ECT2: variants seen among roughly 807,000 people sequenced by gnomAD.
ECT2 encodes epithelial cell transforming 2, also known as protein ECT2.
ECT2 carries 61 observed loss-of-function variants against 116.9 expected under a neutral mutation model. The ratio of observed to expected loss-of-function variants is 0.52; its 90% CI spans 0.42 to 0.65. ECT2 has a LOEUF of 0.65. Among genes scored for constraint, ECT2 ranks in the 30% least tolerant of loss-of-function variants. ECT2 has a pLI of 0.00. For synonymous variants in ECT2, 358 were observed against 346.4 expected (o/e 1.03, Z -0.37); for missense variants, 937 against 1,078.7 (o/e 0.87, Z 1.84).
chr3:172,757,131 C>T lies in ECT2; in HGVS notation c.452C>T (p.Pro151Leu). The change falls in exon 5 of 25, where the codon CCA becomes CTA. Residue 151 changes from proline (P) to leucine (L), a missense_variant. Coordinates refer to ENST00000392692, the MANE Select transcript of ECT2 (RefSeq NM_001258315.2). ...LYKADCRVIGPPVVLNCSQKG... is the reference protein window; with the variant it reads ...LYKADCRVIGLPVVLNCSQKG... Reference sequence around the variant, plus strand: ...AAGGCTGATTGTAGAGTTATTGGACCACCAGTTGTATTAAATTGTTCACAA... The same window carrying T: ...AAGGCTGATTGTAGAGTTATTGGACTACCAGTTGTATTAAATTGTTCACAA... 6.5e-7 allele frequency: 1 copy of T among 1,536,604 alleles called. No homozygotes were observed. Among genetic ancestry groups the T allele is most frequent in the Non-Finnish European group, 8.7e-7 (1 of 1,147,826 alleles).
chr3:172,768,041 T>C (rs1324388715), intron 12 of ECT2, among the ~76,000 whole-genome samples: 1 of 152,178 alleles, frequency 6.6e-6, no homozygotes, highest in African/African-American at 2.4e-5. Context: ...CGCAAATTTT[T>C]TTCTTTCATG....
chr3:172,755,500 A>G lies in ECT2; in HGVS notation c.228A>G (p.Glu76=), dbSNP rs1576827820. 4.7e-6 allele frequency: 7 copies of G among 1,504,356 alleles called. No individual in the cohort carries two copies. The highest frequency in any genetic ancestry group is 6.3e-6 in the Non-Finnish European group (7 of 1,115,758). 93.2% of individuals were successfully genotyped at this position (1,504,356 alleles called of 1,614,324 possible). Reference sequence around the variant, plus strand: ...TTCCACAGACTATTAAAATAATGGAAGTCCCTGTTATAAAGATAAAAGAAA... The same window carrying G: ...TTCCACAGACTATTAAAATAATGGAGGTCCCTGTTATAAAGATAAAAGAAA... ...IKALKTIKIM[E]VPVIKIKESC... is the part of the protein sequence containing the mutation. The change falls in exon 4 of 25, where the codon GAA becomes GAG. Residue 76 remains glutamate (E), a synonymous_variant. Transcript: ENST00000392692.
the ECT2 span, among the ~76,000 whole-genome samples, chr3:172,826,498 C>T: frequency 6.6e-6 from 1 of 152,166 alleles, no homozygotes; most frequent in African/African-American, 2.4e-5. Flanking sequence ...GTGCTGTGAA[C>T]ACTGTTGAAA....
At chr3:172,778,727 C>G (rs1253588956) in intron 14 of ECT2, among the ~76,000 whole-genome samples, 1 of 151,008 alleles carries the variant, frequency 6.6e-6, no homozygotes, top group Non-Finnish European at 1.5e-5. Flanking sequence ...TCCTGAGTAG[C>G]TGGGACTACA....
intron 22 of ECT2, among the ~76,000 whole-genome samples, chr3:172,809,779 A>G (rs748772966): frequency 1.3e-5 from 2 of 152,066 alleles, no homozygotes; most frequent in Non-Finnish European, 2.9e-5. Context: ...ATTCTATACT[A>G]TTTCATTTGT....
chr3:172,776,177 C>A (rs1300696808), intron 14 of ECT2, among the ~76,000 whole-genome samples: 1 of 139,940 alleles, frequency 7.1e-6, no homozygotes, highest in Non-Finnish European at 1.5e-5. Flanking sequence ...GGTACTTCAA[C>A]TATTAGTTTT....
chr3:172,799,183 C>G (rs538888099), intron 18 of ECT2, among the ~76,000 whole-genome samples: 1 of 152,242 alleles, frequency 6.6e-6, no homozygotes, highest in South Asian at 2.1e-4. Flanking sequence ...CCAGATTTCT[C>G]CAATCCAGCT....
chr3:172,773,618 T>C (rs1576901846), intron 13 of ECT2, among the ~76,000 whole-genome samples: 1 of 152,230 alleles, frequency 6.6e-6, no homozygotes, highest in East Asian at 1.9e-4. Flanking sequence ...ATTACTCTTG[T>C]ATCATACTAA....
At chr3:172,756,285 T>C (rs1716967170) in intron 4 of ECT2, among the ~76,000 whole-genome samples, 1 of 152,204 alleles carries the variant, frequency 6.6e-6, no homozygotes, top group Non-Finnish European at 1.5e-5. Context: ...TGACCCATTT[T>C]GAGTTAAAAA....
chr3:172,776,628 C>A (rs1215272477), intron 14 of ECT2, among the ~76,000 whole-genome samples: 1 of 152,116 alleles, frequency 6.6e-6, no homozygotes, highest in Non-Finnish European at 1.5e-5. Context: ...ATGCTGGATC[C>A]AAGACTTGAA....
rs61747133 is a variant in ECT2 at position 172,773,917 on chromosome 3, A to G, written c.1443A>G (p.Pro481=). The change falls in exon 14 of 25, where the codon CCA becomes CCG. Residue 481 remains proline (P), a synonymous_variant. Transcript: ENST00000392692. ...TTCTCATTTAGTTATTTCAAGTACC[A>G]TTGGAAGAGGAAGGACAACGTGGTG... ...LATIIQLFQV[P]LEEEGQRGGP... 4.2e-3 allele frequency: 6,843 copies of G among 1,613,410 alleles called. 270 individuals carry two copies. The African/African-American group carries it at 0.08, about 19-fold the overall frequency.
Position 172,755,507 on chromosome 3 carries a change from G to A in ECT2, c.235G>A (p.Val79Ile), listed in dbSNP as rs75095301. 2,326 of 1,504,746 alleles carry A rather than the reference G, an allele frequency of 1.5e-3. 31 individuals carry two copies. The African/African-American group carries it at 0.028, about 18-fold the overall frequency. The allele number at this position is 1,504,746 out of a possible 1,614,324, so 93.2% of individuals were successfully genotyped here. A position where few individuals can be genotyped will look rare whatever the true frequency, so the allele number is the denominator to read the frequency against. The change falls in exon 4 of 25, where the codon GTT becomes ATT. Residue 79 changes from valine (V) to isoleucine (I), a missense_variant. Transcript: ENST00000392692. ...GACTATTAAAATAATGGAAGTCCCT[G>A]TTATAAAGATAAAAGAAAGTTGTCC... is the stretch of plus-strand genomic sequence containing the variant. ...LKTIKIMEVP[V>I]IKIKESCPGK...
chr3:172,801,043 C>A (rs1298188812), intron 18 of ECT2, among the ~76,000 whole-genome samples: 2 of 152,040 alleles, frequency 1.3e-5, no homozygotes, highest in East Asian at 1.9e-4. Flanking sequence ...TTCAATCTTT[C>A]TTGCAGTTTT....
intron 7 of ECT2, among the ~76,000 whole-genome samples, chr3:172,761,248 C>T (rs1718232361): frequency 6.6e-6 from 1 of 152,054 alleles, no homozygotes; most frequent in South Asian, 2.1e-4. Context: ...CTAAATATTT[C>T]AACTCATATC....
At chr3:172,798,199 A>T (rs1468172152) in intron 18 of ECT2, among the ~76,000 whole-genome samples, 1 of 152,098 alleles carries the variant, frequency 6.6e-6, no homozygotes, top group Non-Finnish European at 1.5e-5. Flanking sequence ...GTATTTGTTG[A>T]TATGTTTCAC....
At chr3:172,811,488 T>G (rs906446647) in intron 22 of ECT2, among the ~76,000 whole-genome samples, 1 of 152,204 alleles carries the variant, frequency 6.6e-6, no homozygotes, top group Non-Finnish European at 1.5e-5. Flanking sequence ...AAATCTTGTA[T>G]CTATCTTTCC....
At chr3:172,788,568 A>G (rs1289612751) in intron 18 of ECT2, among the ~76,000 whole-genome samples, 1 of 152,164 alleles carries the variant, frequency 6.6e-6, no homozygotes, top group East Asian at 1.9e-4. Context: ...ACTGTAATTT[A>G]GGAATGCCCC....
rs552287549 is a variant in ECT2 at position 172,818,889 on chromosome 3, C to G, written c.2656-1259C>G. On this transcript the variant is annotated intron_variant, in intron 24 of 24. Coordinates refer to ENST00000392692, the MANE Select transcript of ECT2 (RefSeq NM_001258315.2). ...AACATATTTTTTCTCCAAGGAATCACTTATTTGGTGGGTGGGAACTTTGGA... is the reference window on the plus strand; with the variant it reads ...AACATATTTTTTCTCCAAGGAATCAGTTATTTGGTGGGTGGGAACTTTGGA... 3.5e-4 allele frequency: 387 copies of G among 1,114,304 alleles called. 3 individuals are homozygous for G. In the South Asian group the frequency reaches 4.9e-3, roughly 14 times the overall value. 69.0% of individuals were successfully genotyped at this position (1,114,304 alleles called of 1,614,324 possible).
chr3:172,817,054 G>A (rs1020830501), intron 24 of ECT2, among the ~76,000 whole-genome samples: 2 of 152,010 alleles, frequency 1.3e-5, no homozygotes, highest in African/African-American at 2.4e-5. Context: ...TCTTAAAAAT[G>A]TGGGGTGCAC....
Sources: allele counts gnomAD v4.1 joint callset (sites outside exome capture counted in the v4.1 genomes callset), GRCh38; gene constraint gnomAD v4.1.1; transcripts MANE v1.5; gene names NCBI Gene and HGNC (gene_info 2026-07-23, HGNC 2026-07-21).